EDIL3: variants seen among roughly 807,000 people sequenced by gnomAD.
EDIL3 encodes the protein EGF like and discoidin domains 3, also known as EGF-like repeat and discoidin I-like domain-containing protein 3.
A neutral mutation model predicts 67.4 loss-of-function variants in EDIL3; 37 were observed. That is an observed-to-expected ratio of 0.55 (90% CI 0.42 to 0.72). The LOEUF is 0.72. Among genes scored for constraint, EDIL3 ranks in the 30% least tolerant of loss-of-function variants. EDIL3 has a pLI of 0.00. For missense variants in EDIL3, 527 were observed against 586.3 expected, an observed-to-expected ratio of 0.90 and a Z score of 1.04; for synonymous variants, 195 against 196.3, an observed-to-expected ratio of 0.99 and a Z score of 0.05.
intron 9 of EDIL3, among the ~76,000 whole-genome samples, chr5:84,001,923 C>T (rs1745338275): frequency 6.6e-6 from 1 of 151,764 alleles, no homozygotes; most frequent in Admixed American, 6.6e-5. Context: ...CTGTATTACC[C>T]AGACACCAAA....
intron 1 of EDIL3, among the ~76,000 whole-genome samples, chr5:84,290,734 T>C (rs1745897871): frequency 6.6e-6 from 1 of 152,210 alleles, no homozygotes; most frequent in Non-Finnish European, 1.5e-5. Context: ...TATAAACATC[T>C]GGGTTTTGCC....
chr5:84,073,636 A>C, intron 6 of EDIL3, among the ~76,000 whole-genome samples: 1 of 152,046 alleles, frequency 6.6e-6, no homozygotes, highest in Non-Finnish European at 1.5e-5. Context: ...AATCCAACTT[A>C]CAAGGGATGT....
chr5:84,114,499 T>A (rs1323758867), intron 5 of EDIL3, among the ~76,000 whole-genome samples: 1 of 152,124 alleles, frequency 6.6e-6, no homozygotes, highest in African/African-American at 2.4e-5. Flanking sequence ...CTGAGAATAA[T>A]CACCTTCAAA....
chr5:84,068,932 C>T (rs1746688261), intron 6 of EDIL3, among the ~76,000 whole-genome samples: 1 of 152,120 alleles, frequency 6.6e-6, no homozygotes, highest in African/African-American at 2.4e-5. Flanking sequence ...ATTTTGGAAA[C>T]ACCTCCACTT....
intron 3 of EDIL3, among the ~76,000 whole-genome samples, chr5:84,215,396 G>A (rs989622294): frequency 6.6e-6 from 1 of 152,026 alleles, no homozygotes; most frequent in Non-Finnish European, 1.5e-5. Flanking sequence ...TGGGACTACA[G>A]GCGCCCGCCA....
At chr5:84,182,096 A>G (rs541335503) in intron 3 of EDIL3, among the ~76,000 whole-genome samples, 2 of 152,172 alleles carry the variant, frequency 1.3e-5, no homozygotes, top group African/African-American at 4.8e-5. Context: ...AGAGAGTGCT[A>G]TAGAGAATGA....
At chr5:84,286,949 A>G (rs992159587) in intron 1 of EDIL3, among the ~76,000 whole-genome samples, 2 of 152,184 alleles carry the variant, frequency 1.3e-5, no homozygotes, top group Non-Finnish European at 2.9e-5. Context: ...ATGCTAGTGC[A>G]GAAGTCTAGT....
chr5:83,983,904 A>G (rs1303997975), intron 9 of EDIL3, among the ~76,000 whole-genome samples: 1 of 152,066 alleles, frequency 6.6e-6, no homozygotes, highest in Non-Finnish European at 1.5e-5. Flanking sequence ...GGAAACTAGT[A>G]GAATATAAAG....
At chr5:84,033,047 G>T (rs1745956637) in intron 9 of EDIL3, among the ~76,000 whole-genome samples, 1 of 152,050 alleles carries the variant, frequency 6.6e-6, no homozygotes, top group Non-Finnish European at 1.5e-5. Flanking sequence ...AAGTCTTCTG[G>T]CTGTCAGCCC....
intron 5 of EDIL3, among the ~76,000 whole-genome samples, chr5:84,124,726 T>C (rs575631954): frequency 6.6e-6 from 1 of 151,988 alleles, no homozygotes; most frequent in South Asian, 2.1e-4. Context: ...TTAGACCAAA[T>C]ACCAGAAGGA....
At chr5:84,219,394 C>G (rs1004433504) in intron 3 of EDIL3, among the ~76,000 whole-genome samples, 5 of 152,070 alleles carry the variant, frequency 3.3e-5, no homozygotes, top group Non-Finnish European at 7.4e-5. Context: ...TGAAAAGGTG[C>G]TCATAGCATT....
At chr5:84,341,848 A>G (rs769225913) in intron 1 of EDIL3, among the ~76,000 whole-genome samples, 1 of 151,992 alleles carries the variant, frequency 6.6e-6, no homozygotes, top group Non-Finnish European at 1.5e-5. Flanking sequence ...GAATGTCCCT[A>G]TGTTTTAGCT....
chr5:84,045,958 T>C (rs1746215906), intron 9 of EDIL3, among the ~76,000 whole-genome samples: 2 of 152,210 alleles, frequency 1.3e-5, no homozygotes, highest in African/African-American at 4.8e-5. Flanking sequence ...CAAAAGTCTC[T>C]AGGATAAACC....
At chr5:84,311,215 T>G (rs1746380003) in intron 1 of EDIL3, among the ~76,000 whole-genome samples, 1 of 152,132 alleles carries the variant, frequency 6.6e-6, no homozygotes, top group Admixed American at 6.5e-5. Flanking sequence ...ACATGTATGT[T>G]AGTTAGTGTG....
chr5:84,083,703 T>C (rs1336092423), intron 6 of EDIL3, among the ~76,000 whole-genome samples: 2 of 152,152 alleles, frequency 1.3e-5, no homozygotes, highest in African/African-American at 2.4e-5. Flanking sequence ...GTCCGTTAGG[T>C]ACCCTGCATC....
chr5:84,267,033 A>C (rs2112091333), intron 1 of EDIL3, among the ~76,000 whole-genome samples: 1 of 152,288 alleles, frequency 6.6e-6, no homozygotes, highest in South Asian at 2.1e-4. Flanking sequence ...AATTTTATGA[A>C]TTGGTATAAT....
At chr5:84,137,078 A>G (rs774582568) in intron 5 of EDIL3, among the ~76,000 whole-genome samples, 163 bp downstream of exon 5, 4 of 152,076 alleles carry the variant, frequency 2.6e-5, no homozygotes, top group Non-Finnish European at 5.9e-5. Flanking sequence ...TCAATGGATT[A>G]TGCACTCTGA....
intron 6 of EDIL3, among the ~76,000 whole-genome samples, chr5:84,080,082 T>C: frequency 9.5e-6 from 1 of 105,752 alleles, no homozygotes; most frequent in Non-Finnish European, 1.7e-5. Flanking sequence ...ACATCCTGGC[T>C]AACACGGTGA....
chr5:84,028,476 T>C (rs960887559), intron 9 of EDIL3, among the ~76,000 whole-genome samples: 4 of 152,172 alleles, frequency 2.6e-5, no homozygotes, highest in African/African-American at 9.6e-5. Flanking sequence ...ACGTTAGTCA[T>C]ATGGCCTTGA....
Sources: gnomAD v4.1 joint callset for allele counts (sites outside exome capture counted in the v4.1 genomes callset) on GRCh38, gnomAD v4.1.1 for gene constraint, MANE v1.5 for transcripts, NCBI Gene and HGNC (gene_info 2026-07-23, HGNC 2026-07-21) for gene names.